ZBTB20: variants seen among roughly 807,000 people sequenced by gnomAD.
ZBTB20 encodes zinc finger and BTB domain containing 20.
Under a neutral mutation model 56.9 loss-of-function variants are expected in ZBTB20, and 9 were observed. The ratio of observed to expected loss-of-function variants is 0.16; its 90% confidence interval spans 0.10 to 0.28. The LOEUF is 0.28. Ranked by LOEUF, ZBTB20 falls within the 10% of genes least tolerant of loss-of-function variation. The pLI, the probability that ZBTB20 is intolerant of heterozygous loss-of-function variation, is 1.00. For synonymous variants in ZBTB20, 417 were observed against 420.7 expected (o/e 0.99, Z 0.11); for missense variants, 655 against 1,003.0 (o/e 0.65, Z 4.69).
intron 6 of ZBTB20, chr3:114,502,988 T>C (rs756541381): frequency 6.6e-5 from 10 of 152,188 alleles, no homozygotes; most frequent in Non-Finnish European, 1.3e-4. Flanking sequence ...AAATTATACC[T>C]AGTGTTTATG....
intron 6 of ZBTB20, among the ~76,000 whole-genome samples, chr3:114,551,164 T>A (rs538294120): frequency 7.1e-4 from 108 of 152,328 alleles, no homozygotes; most frequent in Non-Finnish European, 1.2e-3. Context: ...TTTAATCGAT[T>A]AAAAATATAT....
intron 3 of ZBTB20, among the ~76,000 whole-genome samples, chr3:114,968,437 T>A (rs553370698): frequency 9.9e-4 from 151 of 152,300 alleles, no homozygotes; most frequent in Middle Eastern, 3.4e-3. Context: ...GTAAAAAGAA[T>A]GTATGTCCAA....
intron 1 of ZBTB20, among the ~76,000 whole-genome samples, chr3:115,131,042 T>A (rs1221923317): frequency 6.6e-6 from 1 of 152,162 alleles, no homozygotes; most frequent in Non-Finnish European, 1.5e-5. Flanking sequence ...ATTACAGGAG[T>A]GAGACACCGT....
chr3:114,992,080 C>G (rs1350726133), intron 2 of ZBTB20, among the ~76,000 whole-genome samples: 1 of 151,956 alleles, frequency 6.6e-6, no homozygotes, highest in Non-Finnish European at 1.5e-5. Context: ...CAACTTCTCT[C>G]TCTTTCTGTC....
chr3:114,680,850 C>T (rs2061929463), intron 6 of ZBTB20, among the ~76,000 whole-genome samples: 1 of 152,182 alleles, frequency 6.6e-6, no homozygotes, highest in African/African-American at 2.4e-5. Flanking sequence ...AATATACCAG[C>T]TTACAACTTA....
chr3:115,142,659 CAAAAA>C (rs535455119), intron 1 of ZBTB20, among the ~76,000 whole-genome samples: 2 of 107,822 alleles, frequency 1.9e-5, no homozygotes, highest in African/African-American at 3.3e-5. Context: ...AAGACTCCAT[CAAAAA>C]AAAAAAAAAA....
rs192364878 is a variant in ZBTB20, at chr3:114,850,512, T to G, written c.-416-49338A>C. Among the ~76,000 whole-genome samples, 176 of 152,336 alleles carry G rather than the reference T, an allele frequency of 1.2e-3. 2 individuals are homozygous for G. The highest frequency in any genetic ancestry group is 1.0e-4 in the Non-Finnish European group (7 of 68,032). On this transcript the variant is annotated intron_variant, in intron 4 of 11. Coordinates refer to ENST00000675478, the MANE Select transcript of ZBTB20 (RefSeq NM_001348800.3). ...CATTTAACCTTCATAACAACCTTTATTTTTTAGTGACTACTATTTACAGTG... is the reference window on the plus strand; with the variant it reads ...CATTTAACCTTCATAACAACCTTTAGTTTTTAGTGACTACTATTTACAGTG...
chr3:114,340,830 CT>C (rs1206558261), intron 11 of ZBTB20, among the ~76,000 whole-genome samples: 3 of 152,180 alleles, frequency 2.0e-5, no homozygotes, highest in African/African-American at 7.2e-5. Flanking sequence ...GGTAAGAAGT[CT>C]TTTAAAATTT....
At chr3:114,691,306 A>G (rs2062683906) in intron 6 of ZBTB20, among the ~76,000 whole-genome samples, 1 of 152,158 alleles carries the variant, frequency 6.6e-6, no homozygotes, top group Non-Finnish European at 1.5e-5. Context: ...AAATACTACA[A>G]TGTCTGGGGT....
At chr3:114,949,627 G>A (rs2076995247) in intron 3 of ZBTB20, among the ~76,000 whole-genome samples, 1 of 145,332 alleles carries the variant, frequency 6.9e-6, no homozygotes, top group Non-Finnish European at 1.5e-5. Flanking sequence ...AATTAACTGG[G>A]CATGGTGGCA....
intron 7 of ZBTB20, among the ~76,000 whole-genome samples, chr3:114,412,428 TCTGACAAAG>T (rs1315537078): frequency 3.9e-5 from 6 of 152,056 alleles, no homozygotes; most frequent in Non-Finnish European, 7.4e-5. Context: ...CAGGGAATGC[TCTGACAAAG>T]CTGAAGAGGA....
intron 3 of ZBTB20, among the ~76,000 whole-genome samples, chr3:114,929,850 T>C (rs1249035844): frequency 1.3e-5 from 2 of 152,224 alleles, no homozygotes; most frequent in Admixed American, 6.5e-5. Flanking sequence ...TCCTTTGAAA[T>C]GAAAAGACAA....
chr3:114,906,836 A>C (rs963699155), intron 3 of ZBTB20, among the ~76,000 whole-genome samples: 2 of 151,322 alleles, frequency 1.3e-5, no homozygotes, highest in African/African-American at 4.8e-5. Flanking sequence ...TTAATACATA[A>C]AAAAAAATGT....
chr3:114,549,899 A>T (rs2110183382), intron 6 of ZBTB20, among the ~76,000 whole-genome samples: 1 of 151,466 alleles, frequency 6.6e-6, no homozygotes, highest in African/African-American at 2.4e-5. Context: ...TGTTTCCTCA[A>T]TTTTCCTTCC....
At chr3:114,539,848 T>C (rs1373629946) in intron 6 of ZBTB20, among the ~76,000 whole-genome samples, 3 of 151,734 alleles carry the variant, frequency 2.0e-5, no homozygotes, top group Non-Finnish European at 4.4e-5. Context: ...TTGCCAAGTC[T>C]CTCTTGTGCT....
chr3:115,089,907 T>C (rs115390682), intron 1 of ZBTB20, among the ~76,000 whole-genome samples: 319 of 151,934 alleles, frequency 2.1e-3, no homozygotes, highest in Non-Finnish European at 3.6e-3. Flanking sequence ...GCCTCCTACA[T>C]AAAGTAAGAT....
At chr3:114,470,518 T>C (rs1035080408) in intron 7 of ZBTB20, among the ~76,000 whole-genome samples, 1 of 152,154 alleles carries the variant, frequency 6.6e-6, no homozygotes, top group African/African-American at 2.4e-5. Flanking sequence ...CCAGGAAATA[T>C]ATTTATTTAG....
intron 3 of ZBTB20, chr3:114,930,871 A>G: frequency 1.5e-5 from 4 of 269,394 alleles, no homozygotes; most frequent in Non-Finnish European, 3.0e-5. Flanking sequence ...GGAGGCAGTA[A>G]ATGTTACAGG....
chr3:114,834,398 C>A (rs553804130), intron 4 of ZBTB20, among the ~76,000 whole-genome samples: 1 of 152,164 alleles, frequency 6.6e-6, no homozygotes, highest in East Asian at 1.9e-4. Context: ...CAAAGAAGAC[C>A]GGAATTCAGC....
Sources: gnomAD v4.1 joint callset for allele counts (sites outside exome capture counted in the v4.1 genomes callset) on GRCh38, gnomAD v4.1.1 for gene constraint, MANE v1.5 for transcripts, NCBI Gene and HGNC (gene_info 2026-07-23, HGNC 2026-07-21) for gene names.